The following RBM6 variants were observed in gnomAD, a reference collection of about 807,000 sequenced individuals.
RBM6 encodes RNA binding motif protein 6.
RBM6 carries 23 observed loss-of-function variants against 140.4 expected under a neutral mutation model. The ratio of observed to expected loss-of-function variants is 0.16; its 90% CI spans 0.12 to 0.23. RBM6 has a LOEUF of 0.23. Among genes scored for constraint, RBM6 ranks in the 10% least tolerant of loss-of-function variants. RBM6 has a pLI of 1.00. For synonymous variants in RBM6, 439 were observed against 475.6 expected (o/e 0.92, Z 1.00); for missense variants, 1,139 against 1,386.7 (o/e 0.82, Z 2.84).
chr3:49,998,452 G>A (rs1164196774), intron 5 of RBM6, among the ~76,000 whole-genome samples: 1 of 152,198 alleles, frequency 6.6e-6, no homozygotes, highest in East Asian at 1.9e-4. Flanking sequence ...TGAGGCAGTG[G>A]AGGAAGCATG....
At chr3:50,057,583 G>A (rs2089755447) in intron 8 of RBM6, 145 bp from the exon 9 acceptor site, 4 of 617,900 alleles carry the variant, frequency 6.5e-6, no homozygotes, top group South Asian at 2.2e-5. Context: ...GCAAAACTCC[G>A]TCTCAAAAAA....
intron 1 of RBM6, among the ~76,000 whole-genome samples, chr3:49,954,502 A>G (rs2083885291): frequency 6.6e-6 from 1 of 151,954 alleles, no homozygotes; most frequent in Non-Finnish European, 1.5e-5. Flanking sequence ...GATGGTCTGA[A>G]ACTTCTGGGC....
intron 6 of RBM6, among the ~76,000 whole-genome samples, chr3:50,026,215 G>A (rs1204007534): frequency 4.6e-5 from 7 of 151,526 alleles, no homozygotes; most frequent in African/African-American, 1.5e-4. Flanking sequence ...CTTCCGAGTA[G>A]CTGGGATTAC....
chr3:50,061,850 TGTAA>T, intron 14 of RBM6, 108 bp from the exon 15 acceptor site: 1 of 1,393,670 alleles, frequency 7.2e-7, no homozygotes, highest in Non-Finnish European at 9.6e-7. Flanking sequence ...TTCTTAGACT[TGTAA>T]GTAAAAAAGT....
chr3:49,955,363 G>T (rs2083932245), intron 1 of RBM6, among the ~76,000 whole-genome samples: 1 of 148,510 alleles, frequency 6.7e-6, no homozygotes. Context: ...GTAGAGATAG[G>T]GTCTCTATTG....
At chr3:49,999,037 CTTTTTTT>C (rs59944289) in intron 5 of RBM6, among the ~76,000 whole-genome samples, 128 of 134,920 alleles carry the variant, frequency 9.5e-4, no homozygotes, top group African/African-American at 3.3e-3. Flanking sequence ...CTCGGGATAC[CTTTTTTT>C]TTTTTTTTTT....
chr3:50,010,900 CAAAAA>C (rs776065398), intron 6 of RBM6, among the ~76,000 whole-genome samples: 21 of 52,246 alleles, frequency 4.0e-4, no homozygotes, highest in East Asian at 1.4e-3. Context: ...AAGACTGTCT[CAAAAA>C]AAAAAAAAAA....
At chr3:49,971,546 T>G (rs969853566) in intron 3 of RBM6, among the ~76,000 whole-genome samples, 1 of 144,768 alleles carries the variant, frequency 6.9e-6, no homozygotes. Flanking sequence ...GAAATTTTTC[T>G]TTTTTTTTGA....
intron 1 of RBM6, among the ~76,000 whole-genome samples, chr3:49,944,726 T>C (rs543598520): frequency 6.6e-6 from 1 of 152,192 alleles, no homozygotes; most frequent in Admixed American, 6.6e-5. Flanking sequence ...TCAACCTGCC[T>C]CGGCCTCCCA....
chr3:50,066,469 G>C lies in RBM6; in HGVS notation c.2910G>C (p.Leu970=), dbSNP rs1256071084. Residue 970 remains leucine (L), a synonymous_variant, in exon 17 of 21, where the codon CTG becomes CTC. Transcript: ENST00000266022. The stretch of plus-strand genomic sequence containing the variant: ...GGCAGTTTCCCAATAAAGAAGTTCT[G>C]ATCAAACACCAGCAGCTGTCAGACC... ...CRRQFPNKEV[L]IKHQQLSDLH... 6.2e-7 allele frequency: 1 copy of C among 1,613,722 alleles called. No individual in the cohort carries two copies. Among genetic ancestry groups the C allele is most frequent in the East Asian group, 2.2e-5 (1 of 44,890 alleles).
At chr3:50,012,043 G>T (rs959055072) in intron 6 of RBM6, among the ~76,000 whole-genome samples, 1 of 151,666 alleles carries the variant, frequency 6.6e-6, no homozygotes. Flanking sequence ...TAGAGAGAAG[G>T]TCTTGCTATA....
rs1431936865 is a variant in RBM6, at chr3:49,969,108, T to C, written c.1323+360T>C. 2.0e-5 allele frequency among the ~76,000 whole-genome samples: 3 copies of C among 151,704 alleles called. No individual in the cohort carries two copies. In the East Asian group the frequency reaches 5.8e-4, roughly 29 times the overall value. ...GACATAATCTCAGCTCACTGCAACC[T>C]CCGCCTCCCAGGGTCAAGCAATTTT... On this transcript the variant is annotated intron_variant, in intron 3 of 20. Transcript: ENST00000266022.
intron 4 of RBM6, 57 bp downstream of exon 4, chr3:49,972,205 T>G: frequency 7.3e-7 from 1 of 1,371,974 alleles, no homozygotes; most frequent in Non-Finnish European, 1.0e-6. Flanking sequence ...AAAAAACCTT[T>G]TAATTTGAAA....
chr3:49,992,400 A>G (rs1035519062), intron 5 of RBM6, among the ~76,000 whole-genome samples: 3 of 152,200 alleles, frequency 2.0e-5, no homozygotes, highest in African/African-American at 4.8e-5. Flanking sequence ...TGTTGTTAGT[A>G]TACACTAGAA....
Position 49,967,596 on chromosome 3 carries a change from C to T in RBM6, c.171C>T (p.Phe57=). 6.2e-7 allele frequency: 1 copy of T among 1,614,142 alleles called. No homozygotes were observed. The part of the protein sequence containing the change: ...FPGRDSLPFD[F]QGHSGPPFAN... The stretch of plus-strand genomic sequence containing the variant: ...GCAGAGATTCACTTCCCTTTGATTT[C>T]CAGGGGCATTCGGGGCCTCCTTTTG... The change falls in exon 3 of 21, where the codon TTC becomes TTT. Residue 57 remains phenylalanine (F), a synonymous_variant. Transcript: ENST00000266022. This position sits in a 1 kb window ranked among gnomAD's most constrained non-coding sequence, Gnocchi z 4.0.
intron 6 of RBM6, among the ~76,000 whole-genome samples, chr3:50,001,918 G>A (rs1281718052): frequency 6.6e-6 from 1 of 152,156 alleles, no homozygotes; most frequent in Non-Finnish European, 1.5e-5. Flanking sequence ...TTTTAGAGGG[G>A]TGGTCAGGGA....
intron 6 of RBM6, among the ~76,000 whole-genome samples, chr3:50,038,846 AAAAG>A (rs2088699991): frequency 6.6e-6 from 1 of 152,166 alleles, no homozygotes. Context: ...AAAAAGAAGA[AAAAG>A]AAGAAAAGAA....
intron 5 of RBM6, among the ~76,000 whole-genome samples, chr3:49,989,578 A>G (rs1343117810): frequency 1.3e-5 from 2 of 152,094 alleles, no homozygotes; most frequent in East Asian, 3.8e-4. Context: ...CTCAAAATAA[A>G]TAAATAAATA....
At chr3:50,005,809 C>A (rs574251537) in intron 6 of RBM6, among the ~76,000 whole-genome samples, 1 of 152,076 alleles carries the variant, frequency 6.6e-6, no homozygotes, top group Non-Finnish European at 1.5e-5. Context: ...GCCATTCTTG[C>A]TGGAAACTTC....
Sources: gnomAD v4.1 joint callset for allele counts (sites outside exome capture counted in the v4.1 genomes callset) on GRCh38, gnomAD v4.1.1 for gene constraint, Gnocchi (gnomAD v3.1) non-coding constraint, MANE v1.5 for transcripts, NCBI Gene and HGNC (gene_info 2026-07-23, HGNC 2026-07-21) for gene names.